RADIL: variants seen among roughly 807,000 people sequenced by gnomAD.
RADIL encodes Rap associating with DIL domain.
Under a neutral mutation model 97.6 loss-of-function variants are expected in RADIL, and 99 were observed. The observed-to-expected ratio is 1.01, with a 90% CI of 0.86 to 1.20. RADIL has a LOEUF of 1.20. RADIL is among the 50% of genes most tolerant of loss of function. The probability of loss-of-function intolerance (pLI) is 0.00; values close to 1 mark genes in which losing one functional copy is unlikely to be tolerated. For missense variants in RADIL, 1,765 were observed against 1,498.9 expected (o/e 1.18, Z -2.93); for synonymous variants, 803 against 691.8 (o/e 1.16, Z -2.52).
intron 2 of RADIL, chr7:4,859,658 G>A (rs2115030961): frequency 2.0e-6 from 1 of 511,068 alleles, no homozygotes; most frequent in Non-Finnish European, 3.5e-6. Flanking sequence ...GACCCTTGAG[G>A]TTGTTTTTAA....
Position 4,815,417 on chromosome 7 carries a change from C to T in RADIL, c.2000G>A (p.Gly667Asp). 1 of 1,548,198 alleles carries T rather than the reference C, an allele frequency of 6.5e-7. No individual in the cohort carries two copies. The highest frequency in any genetic ancestry group is 8.7e-7 in the Non-Finnish European group (1 of 1,144,770). ...CTGCAGGCGGGCGCAGGCCTGGACA[C>T]CTCTGGGCCAGTGGAAGCAGCTCAG... The part of the protein sequence containing the change: ...PSLSCFHWPR[G>D]VQACARLQQL... The change falls in exon 9 of 15, where the codon GGT (glycine) becomes GAT (aspartate). Residue 667 changes from glycine (G) to aspartate (D), a missense_variant. Transcript: ENST00000399583. This position sits in a 1 kb window ranked among gnomAD's most constrained non-coding sequence, Gnocchi z 8.0.
In RADIL at chr7:4,842,806, C is replaced by T. The variant is rs528726167; in HGVS notation, c.536-6201G>A. On this transcript the variant is annotated intron_variant, in intron 2 of 14. Transcript: ENST00000399583. This position sits in a 1 kb window ranked among gnomAD's most constrained non-coding sequence, Gnocchi z 4.5. ...AGTGGAGACGGAGGGGATAATGAAACGTTCCTGGGCTGGGGAACTTTACCA... is the reference window on the plus strand; with the variant it reads ...AGTGGAGACGGAGGGGATAATGAAATGTTCCTGGGCTGGGGAACTTTACCA... Among the ~76,000 whole-genome samples the T allele has an allele frequency of 1.8e-4, 28 of 152,140 alleles. No individual in the cohort carries two copies. The highest frequency in any genetic ancestry group is 7.9e-4 in the Admixed American group (12 of 15,256).
chr7:4,876,723 C>T (rs544527841), intron 2 of RADIL, among the ~76,000 whole-genome samples: 2 of 152,246 alleles, frequency 1.3e-5, no homozygotes, highest in African/African-American at 4.8e-5. Flanking sequence ...AGGCACTCAA[C>T]GCCACCCGTG....
intron 9 of RADIL, among the ~76,000 whole-genome samples, chr7:4,810,298 T>A (rs1270572194): frequency 6.6e-6 from 1 of 152,038 alleles, no homozygotes; most frequent in Non-Finnish European, 1.5e-5. Context: ...TAGTTGGGAA[T>A]ACACATCACC....
chr7:4,810,169 ATTAT>A (rs1323774864), intron 9 of RADIL, among the ~76,000 whole-genome samples: 2 of 147,244 alleles, frequency 1.4e-5, no homozygotes, highest in Non-Finnish European at 3.0e-5. Context: ...ATTTTCTTTT[ATTAT>A]TTAATTTTAT....
intron 1 of RADIL, among the ~76,000 whole-genome samples, chr7:4,881,348 G>C (rs994216554): frequency 6.7e-6 from 1 of 149,094 alleles, no homozygotes. Context: ...CCGGGAGGCG[G>C]AGCTTGCAGT....
rs1356660243 is a variant in RADIL at position 4,822,037 on chromosome 7, C to T, written c.1615+357G>A. On this transcript the variant is annotated intron_variant, in intron 6 of 14. Transcript: ENST00000399583. This position sits in a 1 kb window ranked among gnomAD's most constrained non-coding sequence, Gnocchi z 5.3. ...TCTACCGCCCCTTACATTTGGTTCACGGTGGCATCTGTGTCTCCCCTACTG... is the reference window on the plus strand; with the variant it reads ...TCTACCGCCCCTTACATTTGGTTCATGGTGGCATCTGTGTCTCCCCTACTG... 1.3e-5 allele frequency among the ~76,000 whole-genome samples: 2 copies of T among 152,184 alleles called. No individual in the cohort carries two copies. Among genetic ancestry groups the T allele is most frequent in the South Asian group, 4.2e-4 (2 of 4,808 alleles).
intron 2 of RADIL, among the ~76,000 whole-genome samples, chr7:4,847,263 G>A (rs1783595999): frequency 6.6e-6 from 1 of 152,190 alleles, no homozygotes; most frequent in Non-Finnish European, 1.5e-5. Context: ...AGAGGTTGTA[G>A]TGAGCCAAGA....
chr7:4,799,747 C>A lies in RADIL; in HGVS notation c.3005G>T (p.Gly1002Val). The change falls in exon 14 of 15, where the codon GGG (glycine) becomes GTG (valine). Residue 1002 changes from glycine to valine, a missense_variant. Gly to Val is a moderately radical substitution (Grantham distance 109). Coordinates refer to ENST00000399583, the MANE Select transcript of RADIL (RefSeq NM_018059.5). ...CGGGAGCAGGGTCTGGATGTAGAGC[C>A]CGGGGGCGCCCAGGTGCGTGTGCTG... ...DGMHTHLGAP[G>V]LYIQTLLPGS... is the part of the protein sequence containing the mutation. The A allele has an allele frequency of 6.5e-7, 1 of 1,547,698 alleles. No homozygotes were observed. The highest frequency in any genetic ancestry group is 1.2e-5 in the South Asian group (1 of 84,616).
At position 4,842,746 on chromosome 7, in the gene RADIL, C is replaced by T. The variant is rs1402451409; in HGVS notation, c.536-6141G>A. Among the ~76,000 whole-genome samples, 1 of 152,168 alleles carries T rather than the reference C, an allele frequency of 6.6e-6. No homozygotes were observed. The highest frequency in any genetic ancestry group is 1.5e-5 in the Non-Finnish European group (1 of 68,028). ...ACTTGGAACCGTTTCTGTCACCCAT[C>T]CCCACTCGCAGGCCTCAGAGATGAA... On this transcript the variant is annotated intron_variant, in intron 2 of 14. Coordinates refer to ENST00000399583, the MANE Select transcript of RADIL (RefSeq NM_018059.5). This position sits in a 1 kb window ranked among gnomAD's most constrained non-coding sequence, Gnocchi z 4.5.
At chr7:4,800,861 C>T (rs1243182482) in intron 12 of RADIL, among the ~76,000 whole-genome samples, 2 of 152,178 alleles carry the variant, frequency 1.3e-5, no homozygotes, top group African/African-American at 2.4e-5. Context: ...CCAGCTTGGC[C>T]AGGTGGCCCC....
Position 4,815,429 on chromosome 7 carries a change from T to A in RADIL, c.1988A>T (p.His663Leu). 1 of 1,538,522 alleles carries A rather than the reference T, an allele frequency of 6.5e-7. No individual in the cohort carries two copies. The highest frequency in any genetic ancestry group is 8.8e-7 in the Non-Finnish European group (1 of 1,139,948). Residue 663 changes from histidine to leucine, a missense_variant, in exon 9 of 15, where the codon CAC becomes CTC. Transcript: ENST00000399583. This position sits in a 1 kb window ranked among gnomAD's most constrained non-coding sequence, Gnocchi z 8.0. ...GCAGGCCTGGACACCTCTGGGCCAG[T>A]GGAAGCAGCTCAGGGAGGGGCCTGT... ...LDRGPSLSCFHWPRGVQACAR... is the reference protein window; with the variant it reads ...LDRGPSLSCFLWPRGVQACAR...
Position 4,822,475 on chromosome 7 carries a change from T to C in RADIL, c.1534A>G (p.Asn512Asp), listed in dbSNP as rs1382017728. The C allele has an allele frequency of 6.2e-7, 1 of 1,613,050 alleles. No homozygotes were observed. Among genetic ancestry groups the C allele is most frequent in the South Asian group, 1.1e-5 (1 of 91,084 alleles). Residue 512 changes from asparagine to aspartate, a missense_variant, in exon 6 of 15, where the codon AAC becomes GAC. Transcript: ENST00000399583. The surrounding 1 kb of genome is among the most constrained non-coding windows in gnomAD (Gnocchi z 5.3). Reference sequence around the variant, plus strand: ...ATAAAGTACAGGAGCTCGATGGAGTTAGACATCCAGAAAAGAATGGGCTGC... The same window carrying C: ...ATAAAGTACAGGAGCTCGATGGAGTCAGACATCCAGAAAAGAATGGGCTGC... ...DLQPILFWMS[N>D]SIELLYFIQQ...
chr7:4,875,053 G>T (rs1168871497), intron 2 of RADIL, among the ~76,000 whole-genome samples: 1 of 147,432 alleles, frequency 6.8e-6, no homozygotes, highest in African/African-American at 2.7e-5. Flanking sequence ...TTAGCCGGGC[G>T]TGGTGGCGGG....
chr7:4,816,519 C>T (rs1782683013), intron 7 of RADIL, 54 bp from the exon 8 acceptor site: 3 of 1,476,034 alleles, frequency 2.0e-6, no homozygotes, highest in Non-Finnish European at 2.8e-6. Context: ...CGCTGGCGGC[C>T]GAACGGGGGG....
At chr7:4,823,150 G>A (rs1308351745) in intron 5 of RADIL, among the ~76,000 whole-genome samples, 1 of 152,056 alleles carries the variant, frequency 6.6e-6, no homozygotes, top group Non-Finnish European at 1.5e-5. Context: ...AGACTCAGAG[G>A]CAATCGTTAG....
chr7:4,833,912 G>A (rs1783217419), intron 4 of RADIL, among the ~76,000 whole-genome samples: 1 of 152,178 alleles, frequency 6.6e-6, no homozygotes, highest in Non-Finnish European at 1.5e-5. Context: ...AGCCATGGGT[G>A]TATTGCGTGT....
At chr7:4,856,808 TCA>T (rs1285619447) in intron 2 of RADIL, among the ~76,000 whole-genome samples, 1 of 152,248 alleles carries the variant, frequency 6.6e-6, no homozygotes, top group Non-Finnish European at 1.5e-5. Context: ...TAATAAACAT[TCA>T]CCAGATCATT....
chr7:4,830,769 C>G (rs1254801752), intron 5 of RADIL, among the ~76,000 whole-genome samples: 1 of 152,042 alleles, frequency 6.6e-6, no homozygotes, highest in African/African-American at 2.4e-5. Flanking sequence ...AATCCCAGCA[C>G]TTTGGGAGGC....
Sources: allele counts gnomAD v4.1 joint callset (sites outside exome capture counted in the v4.1 genomes callset), GRCh38; gene constraint gnomAD v4.1.1; non-coding constraint Gnocchi (gnomAD v3.1); transcripts MANE v1.5; gene names NCBI Gene and HGNC (gene_info 2026-07-23, HGNC 2026-07-21).